PANX1: variants seen among roughly 807,000 people sequenced by gnomAD.
PANX1 encodes the protein pannexin-1.
Under a neutral mutation model 38.7 loss-of-function variants are expected in PANX1, and 30 were observed. The observed-to-expected ratio is 0.78, with a 90% CI of 0.58 to 1.05. The LOEUF is 1.05. PANX1 is among the 50% of genes least tolerant of loss of function. The pLI is 0.00. For synonymous variants in PANX1, 230 were observed against 212.2 expected (o/e 1.08, Z -0.73); for missense variants, 551 against 517.2 (o/e 1.07, Z -0.63).
At chr11:94,177,351 T>C (rs1010551621) in intron 2 of PANX1, among the ~76,000 whole-genome samples, 6 of 151,544 alleles carry the variant, frequency 4.0e-5, no homozygotes, top group African/African-American at 1.2e-4. Context: ...TACTCTTATG[T>C]CTTATTGCTG....
chr11:94,152,646 C>T (rs1946896313), intron 1 of PANX1, among the ~76,000 whole-genome samples: 2 of 152,312 alleles, frequency 1.3e-5, no homozygotes, highest in African/African-American at 4.8e-5. Context: ...CACAGCCCTG[C>T]CTGAGCCTTA....
rs1038726320 is a variant in PANX1, at chr11:94,180,207, T to C, written c.1151T>C (p.Met384Thr). 3.7e-6 allele frequency: 6 copies of C among 1,613,486 alleles called. No homozygotes were observed. The Admixed American group carries it at 5.0e-5, about 13-fold the overall frequency. ...KMDVVDGKTPMSAEMREEQGN... is the reference protein window; with the variant it reads ...KMDVVDGKTPTSAEMREEQGN... Reference sequence around the variant, plus strand: ...GATGTTGTTGATGGCAAAACTCCCATGTCTGCAGAGATGAGAGAGGAGCAG... The same window carrying C: ...GATGTTGTTGATGGCAAAACTCCCACGTCTGCAGAGATGAGAGAGGAGCAG... Residue 384 changes from methionine to threonine, a missense_variant, in exon 4 of 5, where the codon ATG (methionine) becomes ACG (threonine). Met to Thr is a moderately conservative substitution (Grantham distance 81, BLOSUM62 -1). Coordinates refer to ENST00000227638, the MANE Select transcript of PANX1 (RefSeq NM_015368.4).
At chr11:94,129,832 C>T (rs887556727) in intron 1 of PANX1, among the ~76,000 whole-genome samples, 2 of 152,212 alleles carry the variant, frequency 1.3e-5, no homozygotes, top group African/African-American at 4.8e-5. Flanking sequence ...ACCCCTGTCT[C>T]CTACATATTT....
intron 1 of PANX1, among the ~76,000 whole-genome samples, chr11:94,138,373 A>G (rs1225859917): frequency 6.6e-6 from 1 of 152,114 alleles, no homozygotes; most frequent in Non-Finnish European, 1.5e-5. Flanking sequence ...TATTTTTCCA[A>G]GGGGATGTTG....
chr11:94,170,493 A>G (rs141984503), intron 2 of PANX1, among the ~76,000 whole-genome samples: 10 of 151,846 alleles, frequency 6.6e-5, no homozygotes, highest in Non-Finnish European at 1.2e-4. Flanking sequence ...CTTATTGGCT[A>G]TTGTGAATAT....
At chr11:94,144,164 C>G (rs977996509) in intron 1 of PANX1, among the ~76,000 whole-genome samples, 4 of 152,002 alleles carry the variant, frequency 2.6e-5, no homozygotes, top group African/African-American at 9.7e-5. Context: ...TTAAAGCTGC[C>G]CCTTGGCCTT....
intron 2 of PANX1, among the ~76,000 whole-genome samples, chr11:94,155,508 C>T (rs1238758398): frequency 6.6e-6 from 1 of 151,696 alleles, no homozygotes; most frequent in Non-Finnish European, 1.5e-5. Context: ...AGTGAGACTC[C>T]AAAAAATAAT....
chr11:94,142,532 T>C (rs778103982), intron 1 of PANX1, among the ~76,000 whole-genome samples: 13 of 152,224 alleles, frequency 8.5e-5, no homozygotes, highest in Non-Finnish European at 1.2e-4. Context: ...CTCAGTGTTT[T>C]CTTGCGCTGT....
chr11:94,130,150 G>A lies in PANX1; in HGVS notation c.181+657G>A, dbSNP rs1294429025. Among the ~76,000 whole-genome samples, 4 of 152,214 alleles carry A rather than the reference G, an allele frequency of 2.6e-5. No homozygotes were observed. In the East Asian group the frequency reaches 7.7e-4, roughly 29 times the overall value. On this transcript the variant is annotated intron_variant, in intron 1 of 4. Coordinates refer to ENST00000227638, the MANE Select transcript of PANX1 (RefSeq NM_015368.4). ...CTGGTGGTTTGGGCAGGATCACGTG[G>A]CTACGTGCCTTACCTTCCTCATCAG...
In PANX1 at chr11:94,129,223, G is replaced by C. The variant is rs1294880322; in HGVS notation, c.-90G>C. On this transcript the variant is annotated 5_prime_UTR_variant, in exon 1 of 5. Transcript: ENST00000227638. The stretch of plus-strand genomic sequence containing the variant: ...GGCAAAGGGAAAGCGAAAGCCGCGC[G>C]CCCGGCCGGTGACTGGGTGAAGGCG... 3.5e-6 allele frequency: 4 copies of C among 1,139,456 alleles called. No homozygotes were observed. The highest frequency in any genetic ancestry group is 4.9e-6 in the Non-Finnish European group (4 of 810,008). The allele number at this position is 1,139,456 out of a possible 1,614,324, so 70.6% of individuals were successfully genotyped here.
chr11:94,131,399 T>C (rs1278317227), intron 1 of PANX1, among the ~76,000 whole-genome samples: 3 of 152,248 alleles, frequency 2.0e-5, no homozygotes, highest in African/African-American at 7.2e-5. Flanking sequence ...ATAGCACTGT[T>C]GTGTGCTGAG....
intron 3 of PANX1, 35 bp from the exon 4 acceptor site, chr11:94,179,567 G>A (rs779018654): frequency 3.2e-5 from 49 of 1,515,326 alleles, no homozygotes; most frequent in Middle Eastern, 1.8e-4. Context: ...GTCTTGATGA[G>A]TGCCTAAGTT....
Position 94,180,273 on chromosome 11 carries a change from G to GTTTTAAT in PANX1, c.1201+16_1201+17insTTTTAAT. 6.4e-7 allele frequency: 1 copy of GTTTTAAT among 1,574,238 alleles called. No individual in the cohort carries two copies. Among genetic ancestry groups the GTTTTAAT allele is most frequent in the Non-Finnish European group, 8.6e-7 (1 of 1,156,306 alleles). ...GAGCTCCAAGGTAGGGTTTGCTTTT[G>GTTTTAAT]GCAGAGGCTACGGGAGTCTACCGAG... On this transcript the variant is annotated intron_variant, in intron 4 of 4. Transcript: ENST00000227638.
rs147278985 is a variant in PANX1, at chr11:94,129,394, C to T, written c.82C>T (p.Leu28=). The T allele has an allele frequency of 1.8e-4, 284 of 1,614,084 alleles. 2 individuals carry two copies. In the East Asian group the frequency reaches 6.0e-3, roughly 34 times the overall value. Residue 28 remains leucine (L), a synonymous_variant, in exon 1 of 5, where the codon CTG becomes TTG. Coordinates refer to ENST00000227638, the MANE Select transcript of PANX1 (RefSeq NM_015368.4). ...GCCCACGGAGCCCAAGTTCAAGGGG[C>T]TGCGACTGGAGCTGGCTGTGGACAA... is the stretch of plus-strand genomic sequence containing the variant. ...KEPTEPKFKG[L]RLELAVDKMV... is the part of the protein sequence containing the mutation.
intron 2 of PANX1, among the ~76,000 whole-genome samples, chr11:94,157,651 G>T: frequency 6.6e-6 from 1 of 152,174 alleles, no homozygotes. Flanking sequence ...TTTGTCAGAT[G>T]AGTAGGTTGT....
rs144195400 is a variant in PANX1 at position 94,135,133 on chromosome 11, G to T, written c.181+5640G>T. 4.8e-3 allele frequency among the ~76,000 whole-genome samples: 735 copies of T among 152,302 alleles called. 5 individuals carry two copies. Among genetic ancestry groups the T allele is most frequent in the African/African-American group, 0.017 (691 of 41,562 alleles). On this transcript the variant is annotated intron_variant, in intron 1 of 4. Transcript: ENST00000227638. ...AGGATGTTTCTGGCTGGCTGGACCA[G>T]GTGGGGAGCTGGGGCAGCCAGTAGT...
At chr11:94,137,048 G>A (rs911337473) in intron 1 of PANX1, among the ~76,000 whole-genome samples, 2 of 152,106 alleles carry the variant, frequency 1.3e-5, no homozygotes, top group Non-Finnish European at 2.9e-5. Context: ...GCTCACACCT[G>A]TAATCCCAGC....
At chr11:94,180,294 C>T in intron 4 of PANX1, 37 bp downstream of exon 4, 1 of 1,499,886 alleles carries the variant, frequency 6.7e-7, no homozygotes, top group Non-Finnish European at 9.0e-7. Flanking sequence ...CGGGAGTCTA[C>T]CGAGAGCCTT....
At chr11:94,155,015 G>A (rs779695482) in intron 2 of PANX1, among the ~76,000 whole-genome samples, 1 of 152,138 alleles carries the variant, frequency 6.6e-6, no homozygotes, top group Non-Finnish European at 1.5e-5. Context: ...AGACCAGCCT[G>A]GCCAACATGG....
Sources: gnomAD v4.1 joint callset for allele counts (sites outside exome capture counted in the v4.1 genomes callset) on GRCh38, gnomAD v4.1.1 for gene constraint, MANE v1.5 for transcripts, NCBI Gene and HGNC (gene_info 2026-07-23, HGNC 2026-07-21) for gene names.